Variants in TMEM117 observed in about 807,000 individuals in gnomAD.
TMEM117 encodes transmembrane protein 117.
In TMEM117, 27 loss-of-function variants were observed where a neutral mutation model predicts 52.4. The ratio of observed to expected loss-of-function variants is 0.51; its 90% CI spans 0.38 to 0.71. The LOEUF is 0.71. Ranked by LOEUF, TMEM117 falls within the 30% of genes least tolerant of loss-of-function variation. TMEM117 has a pLI of 0.00. For missense variants in TMEM117, 556 were observed against 630.5 expected (o/e 0.88, Z 1.26); for synonymous variants, 215 against 206.3 (o/e 1.04, Z -0.36).
At chr12:43,865,308 C>T (rs1260343370) in intron 2 of TMEM117, among the ~76,000 whole-genome samples, 3 of 152,164 alleles carry the variant, frequency 2.0e-5, no homozygotes, top group East Asian at 1.9e-4. Flanking sequence ...ACTTTACCTT[C>T]TAACTTGGGC....
intron 2 of TMEM117, among the ~76,000 whole-genome samples, chr12:43,939,643 GTGCC>G (rs1197779782): frequency 2.7e-4 from 41 of 152,240 alleles, no homozygotes; most frequent in African/African-American, 9.6e-4. Flanking sequence ...TCAGACTAAG[GTGCC>G]TGGGATCTAC....
At chr12:44,277,076 A>G (rs1330324629) in intron 5 of TMEM117, among the ~76,000 whole-genome samples, 1 of 152,178 alleles carries the variant, frequency 6.6e-6, no homozygotes, top group African/African-American at 2.4e-5. Context: ...TTGGGAAAAG[A>G]GGTAGATACA....
chr12:44,137,142 A>C (rs1319026729), intron 3 of TMEM117, among the ~76,000 whole-genome samples: 3 of 152,100 alleles, frequency 2.0e-5, no homozygotes, highest in East Asian at 3.9e-4. Context: ...TGATGAAGCA[A>C]ATCTTATGGG....
Position 44,091,043 on chromosome 12 carries a change from A to G in TMEM117, c.411-52482A>G, listed in dbSNP as rs990080391. 3.9e-5 allele frequency among the ~76,000 whole-genome samples: 6 copies of G among 152,220 alleles called. No homozygotes were observed. The South Asian group carries it at 8.3e-4, about 21-fold the overall frequency. Reference sequence around the variant, plus strand: ...ATATTAGTCCGTTTTCATGCTGCTGATAACGAAAAGAGATTTAATTGGATT... The same window carrying G: ...ATATTAGTCCGTTTTCATGCTGCTGGTAACGAAAAGAGATTTAATTGGATT... On this transcript the variant is annotated intron_variant, in intron 3 of 7. Coordinates refer to ENST00000266534, the MANE Select transcript of TMEM117 (RefSeq NM_032256.3).
rs185425608 is a variant in TMEM117, at chr12:44,219,462, A to G, written c.608+8075A>G. Among the ~76,000 whole-genome samples, 555 of 152,274 alleles carry G rather than the reference A, an allele frequency of 3.6e-3. 3 individuals are homozygous for G. The highest frequency in any genetic ancestry group is 6.1e-3 in the Non-Finnish European group (413 of 67,994). On this transcript the variant is annotated intron_variant, in intron 5 of 7. Coordinates refer to ENST00000266534, the MANE Select transcript of TMEM117 (RefSeq NM_032256.3). ...AATTGTATATCATTTTCTCTCAATT[A>G]TGGAGGTTAAGCAAGAAAAAGATGT...
chr12:43,976,751 C>T (rs559955456), intron 3 of TMEM117, among the ~76,000 whole-genome samples: 14 of 152,264 alleles, frequency 9.2e-5, no homozygotes, highest in African/African-American at 3.4e-4. Flanking sequence ...TCCTACATCT[C>T]CCCCTTTTCT....
intron 2 of TMEM117, among the ~76,000 whole-genome samples, chr12:43,882,148 A>T (rs550507075): frequency 1.3e-5 from 2 of 152,148 alleles, no homozygotes; most frequent in Non-Finnish European, 2.9e-5. Context: ...ATTTAAAATT[A>T]TGTGTGAAGC....
intron 5 of TMEM117, among the ~76,000 whole-genome samples, chr12:44,240,039 T>G (rs1305260599): frequency 6.6e-6 from 1 of 152,106 alleles, no homozygotes; most frequent in African/African-American, 2.4e-5. Context: ...AAAGATCAGA[T>G]GAAATTAAAA....
At chr12:44,055,692 T>C (rs1947043473) in intron 3 of TMEM117, among the ~76,000 whole-genome samples, 1 of 152,164 alleles carries the variant, frequency 6.6e-6, no homozygotes, top group Non-Finnish European at 1.5e-5. Flanking sequence ...TTAGTTAATA[T>C]TTGTAAAGTG....
At chr12:44,378,416 T>C (rs1248986352) in intron 7 of TMEM117, among the ~76,000 whole-genome samples, 2 of 152,184 alleles carry the variant, frequency 1.3e-5, no homozygotes, top group Non-Finnish European at 1.5e-5. Flanking sequence ...TTTAAGAAGA[T>C]GAATATAAAA....
intron 5 of TMEM117, among the ~76,000 whole-genome samples, chr12:44,254,025 A>C (rs2138519650): frequency 6.6e-6 from 1 of 151,906 alleles, no homozygotes; most frequent in South Asian, 2.1e-4. Flanking sequence ...AAAAAAAAAA[A>C]AAACATAGAA....
At chr12:44,334,954 A>G (rs949165342) in intron 6 of TMEM117, among the ~76,000 whole-genome samples, 1 of 152,104 alleles carries the variant, frequency 6.6e-6, no homozygotes, top group Admixed American at 6.6e-5. Context: ...CAAAAAAATC[A>G]GAGAATGTAA....
chr12:44,152,902 C>T (rs909199170), intron 4 of TMEM117, among the ~76,000 whole-genome samples: 9 of 146,556 alleles, frequency 6.1e-5, no homozygotes, highest in Non-Finnish European at 1.2e-4. Context: ...ACCCCTGATT[C>T]GTTAATTATA....
intron 2 of TMEM117, among the ~76,000 whole-genome samples, chr12:43,864,337 C>T (rs1381012083): frequency 1.3e-5 from 2 of 152,232 alleles, no homozygotes; most frequent in Non-Finnish European, 2.9e-5. Context: ...AGTGCGAGAT[C>T]CACTGGGTGA....
intron 6 of TMEM117, 103 bp downstream of exon 6, chr12:44,299,842 A>ATTTACAGTTACTTTTGATGGGGCCT (rs1950817591): frequency 2.2e-6 from 3 of 1,388,718 alleles, no homozygotes; most frequent in South Asian, 1.4e-5. Flanking sequence ...TAAGTACAGC[A>ATTTACAGTTACTTTTGATGGGGCCT]TTTACAGTTA....
intron 3 of TMEM117, among the ~76,000 whole-genome samples, chr12:43,954,687 G>A (rs915440689): frequency 6.6e-6 from 1 of 151,980 alleles, no homozygotes; most frequent in African/African-American, 2.4e-5. Flanking sequence ...CCCAGGTCCA[G>A]AATTCTACCA....
intron 6 of TMEM117, among the ~76,000 whole-genome samples, chr12:44,363,756 C>T (rs1458203898): frequency 6.6e-6 from 1 of 152,074 alleles, no homozygotes; most frequent in African/African-American, 2.4e-5. Context: ...CAGGCTAAGG[C>T]TAATTGAAAG....
chr12:44,020,712 T>C (rs1244238726), intron 3 of TMEM117, among the ~76,000 whole-genome samples: 1 of 152,196 alleles, frequency 6.6e-6, no homozygotes, highest in Non-Finnish European at 1.5e-5. Flanking sequence ...TAGGGTATTT[T>C]ATACATATTT....
upstream of TMEM117, among the ~76,000 whole-genome samples, chr12:43,835,439 T>A (rs1943010803): frequency 6.6e-6 from 1 of 152,132 alleles, no homozygotes; most frequent in Admixed American, 6.5e-5. Flanking sequence ...TGAGTGTATT[T>A]GTGCATCTCT....
Sources: gnomAD v4.1 joint callset for allele counts (sites outside exome capture counted in the v4.1 genomes callset) on GRCh38, gnomAD v4.1.1 for gene constraint, MANE v1.5 for transcripts, NCBI Gene and HGNC (gene_info 2026-07-23, HGNC 2026-07-21) for gene names.